Variants in ANO3 observed in about 807,000 individuals in gnomAD.
The protein encoded by ANO3 is anoctamin 3.
Under a neutral mutation model 144.8 loss-of-function variants are expected in ANO3, and 99 were observed. The observed-to-expected ratio is 0.68, with a 90% CI of 0.58 to 0.81. The LOEUF (loss-of-function observed/expected upper bound fraction) is 0.81, where lower values mean the gene tolerates loss of function less well. Ranked by LOEUF, ANO3 falls within the 30% of genes least tolerant of loss-of-function variation. The pLI is 0.00. For synonymous variants in ANO3, 414 were observed against 392.6 expected (o/e 1.05, Z -0.64); for missense variants, 905 against 1,202.2 (o/e 0.75, Z 3.66).
At position 26,661,892 on chromosome 11, in the gene ANO3, T is replaced by G. The variant is rs1315723168; in HGVS notation, c.*1448T>G. ...AATGTATGGTAGAAATTAAGACGTT[T>G]CTTTGCAAAACAAGGAAATCACACA... is the stretch of plus-strand genomic sequence containing the variant. On this transcript the variant is annotated 3_prime_UTR_variant, in exon 27 of 27. Transcript: ENST00000256737. 6.6e-6 allele frequency: 1 copy of G among 152,060 alleles called. No homozygotes were observed. The highest frequency in any genetic ancestry group is 2.4e-5 in the African/African-American group (1 of 41,438). The allele number at this position is 152,060 out of a possible 1,614,324, so 9.4% of individuals were successfully genotyped here.
At chr11:26,327,808 C>T (rs954393743), upstream of ANO3, among the ~76,000 whole-genome samples, 1 of 152,232 alleles carries the variant, frequency 6.6e-6, no homozygotes, top group Admixed American at 6.5e-5. Flanking sequence ...AGGCAACAAA[C>T]ATATCCACAG....
chr11:26,441,421 G>A (rs752114035), intron 1 of ANO3, among the ~76,000 whole-genome samples: 16 of 152,138 alleles, frequency 1.1e-4, no homozygotes, highest in Non-Finnish European at 2.2e-4. Flanking sequence ...CCGGCCTGCT[G>A]CCCAGTTTTT....
intron 1 of ANO3, among the ~76,000 whole-genome samples, chr11:26,424,295 G>A (rs912512623): frequency 2.7e-5 from 4 of 149,482 alleles, no homozygotes; most frequent in African/African-American, 9.9e-5. Context: ...CTATATGTCA[G>A]TTTTTTTTTC....
intron 17 of ANO3, among the ~76,000 whole-genome samples, chr11:26,619,106 A>C (rs1009113305): frequency 6.6e-6 from 1 of 152,216 alleles, no homozygotes; most frequent in Non-Finnish European, 1.5e-5. Flanking sequence ...GTATGTCCAA[A>C]TATTTAAATA....
At chr11:26,536,425 T>A (rs1849511429) in intron 9 of ANO3, among the ~76,000 whole-genome samples, 2 of 152,052 alleles carry the variant, frequency 1.3e-5, no homozygotes, top group African/African-American at 4.8e-5. Flanking sequence ...TTGAAATAAT[T>A]ATGACATTAT....
intron 1 of ANO3, among the ~76,000 whole-genome samples, chr11:26,200,423 C>T (rs1851670563): frequency 6.6e-6 from 1 of 152,082 alleles, no homozygotes; most frequent in South Asian, 2.1e-4. Context: ...CTATTATAAT[C>T]TTTATCATAT....
intron 6 of ANO3, among the ~76,000 whole-genome samples, chr11:26,523,819 CAG>C (rs1253826255): frequency 6.6e-6 from 1 of 152,096 alleles, no homozygotes; most frequent in Non-Finnish European, 1.5e-5. Flanking sequence ...TCAATAAAGA[CAG>C]AGAGTAGTGT....
chr11:26,379,278 A>G (rs1016962853), intron 1 of ANO3, among the ~76,000 whole-genome samples: 7 of 152,208 alleles, frequency 4.6e-5, no homozygotes. Flanking sequence ...CCCTGGTTTT[A>G]AAGTTTGGAT....
rs1859221534 is a variant in ANO3 at position 26,457,680 on chromosome 11, T to C, written c.314-5350T>C. ...GCTAACAAATGATAAAACAAAGATT[T>C]TAAGTTGGATTTGTTGAAACCAATA... On this transcript the variant is annotated intron_variant, in intron 3 of 26. Transcript: ENST00000256737. 2.6e-5 allele frequency among the ~76,000 whole-genome samples: 4 copies of C among 152,260 alleles called. No homozygotes were observed. The South Asian group carries it at 8.3e-4, about 32-fold the overall frequency.
At chr11:26,300,764 C>T (rs1025035691) in intron 1 of ANO3, among the ~76,000 whole-genome samples, 1 of 152,066 alleles carries the variant, frequency 6.6e-6, no homozygotes, top group African/African-American at 2.4e-5. Context: ...AATAACATAA[C>T]CTTGCATAAT....
intron 1 of ANO3, among the ~76,000 whole-genome samples, chr11:26,245,969 T>G (rs948618205): frequency 3.3e-5 from 5 of 152,216 alleles, no homozygotes; most frequent in African/African-American, 1.2e-4. Context: ...GTTCACTTAA[T>G]GAAAACTCCA....
At chr11:26,525,758 C>T in intron 7 of ANO3, 79 bp downstream of exon 7, 1 of 1,077,378 alleles carries the variant, frequency 9.3e-7, no homozygotes, top group Non-Finnish European at 1.4e-6. Context: ...TTCCCCATAT[C>T]AGCAGTTGTA....
At chr11:26,634,071 C>CT (rs1316272650) in intron 18 of ANO3, 133 bp from the exon 19 acceptor site, 1 of 464,386 alleles carries the variant, frequency 2.2e-6, no homozygotes, top group African/African-American at 2.2e-5. Flanking sequence ...GAGAGTGAGA[C>CT]TCCATTTCCA....
chr11:26,536,243 C>T (rs1032133095), intron 9 of ANO3, among the ~76,000 whole-genome samples: 2 of 150,226 alleles, frequency 1.3e-5, no homozygotes, highest in Non-Finnish European at 3.0e-5. Context: ...CACTTGAACC[C>T]GGGAAGTGAA....
intron 11 of ANO3, among the ~76,000 whole-genome samples, chr11:26,543,584 A>G (rs1849700430): frequency 6.6e-6 from 1 of 152,034 alleles, no homozygotes; most frequent in African/African-American, 2.4e-5. Context: ...CATTAGGTAT[A>G]TCTCCTGATG....
intron 1 of ANO3, among the ~76,000 whole-genome samples, chr11:26,399,401 C>A (rs1032867020): frequency 6.6e-6 from 1 of 151,912 alleles, no homozygotes; most frequent in Non-Finnish European, 1.5e-5. Flanking sequence ...AATACACACA[C>A]AAAGTCCATT....
intron 9 of ANO3, 88 bp downstream of exon 9, chr11:26,534,650 T>C (rs1354462365): frequency 3.6e-6 from 3 of 840,202 alleles, no homozygotes; most frequent in Non-Finnish European, 5.9e-6. Context: ...GTAGCTTTGC[T>C]TTAATTCATT....
chr11:26,245,010 T>TGC (rs1199974410), intron 1 of ANO3, among the ~76,000 whole-genome samples: 1 of 142,784 alleles, frequency 7.0e-6, no homozygotes, highest in African/African-American at 2.6e-5. Flanking sequence ...TGTGTGTGTG[T>TGC]GTGTGTGTGT....
intron 24 of ANO3, among the ~76,000 whole-genome samples, chr11:26,652,929 C>T (rs1341709487): frequency 1.3e-5 from 2 of 152,306 alleles, no homozygotes; most frequent in South Asian, 2.1e-4. Context: ...TCTTAATGTA[C>T]TTTATTCACT....
Sources: gnomAD v4.1 joint callset for allele counts (sites outside exome capture counted in the v4.1 genomes callset) on GRCh38, gnomAD v4.1.1 for gene constraint, MANE v1.5 for transcripts, NCBI Gene and HGNC (gene_info 2026-07-23, HGNC 2026-07-21) for gene names.